Variants in FMNL2 observed in about 807,000 individuals in gnomAD.
FMNL2 encodes formin like 2.
Under a neutral mutation model 130.2 loss-of-function variants are expected in FMNL2, and 51 were observed. That is an observed-to-expected ratio of 0.39 (90% CI 0.31 to 0.49). The LOEUF (loss-of-function observed/expected upper bound fraction) is 0.49, where lower values mean the gene tolerates loss of function less well. Ranked by LOEUF, FMNL2 falls within the 20% of genes least tolerant of loss-of-function variation. The pLI is 0.85. For missense variants in FMNL2, 977 were observed against 1,316.2 expected, an observed-to-expected ratio of 0.74 and a Z score of 3.99; for synonymous variants, 465 against 467.1, an observed-to-expected ratio of 1.00 and a Z score of 0.06.
At chr2:152,504,497 G>C (rs558493018) in intron 1 of FMNL2, among the ~76,000 whole-genome samples, 1 of 151,520 alleles carries the variant, frequency 6.6e-6, no homozygotes, top group South Asian at 2.1e-4. Flanking sequence ...CGCCTGCTTC[G>C]GCCTCCCAAA....
intron 1 of FMNL2, among the ~76,000 whole-genome samples, chr2:152,404,434 C>A (rs1357312273): frequency 6.6e-6 from 1 of 152,060 alleles, no homozygotes; most frequent in East Asian, 1.9e-4. Flanking sequence ...AAATATATAT[C>A]ATCTTTGGGG....
intron 1 of FMNL2, among the ~76,000 whole-genome samples, chr2:152,446,527 A>G (rs4664585): frequency 0.29 from 43,635 of 151,876 alleles, 6,604 homozygotes; most frequent in East Asian, 0.53. Flanking sequence ...TAATAGGTTA[A>G]AAAAAAAGCA....
At chr2:152,610,397 A>G (rs1698614044) in intron 10 of FMNL2, among the ~76,000 whole-genome samples, 1 of 152,132 alleles carries the variant, frequency 6.6e-6, no homozygotes, top group Non-Finnish European at 1.5e-5. Context: ...TCCTTACCAC[A>G]ATTTAGGACA....
chr2:152,351,096 G>A (rs1400954885), intron 1 of FMNL2, among the ~76,000 whole-genome samples: 1 of 152,144 alleles, frequency 6.6e-6, no homozygotes, highest in Admixed American at 6.6e-5. Flanking sequence ...TAAAGTGAAA[G>A]TTGTGTATAG....
chr2:152,596,252 T>C (rs1429966254), intron 9 of FMNL2, among the ~76,000 whole-genome samples: 1 of 152,100 alleles, frequency 6.6e-6, no homozygotes, highest in East Asian at 1.9e-4. Flanking sequence ...CATGAGCCAC[T>C]GAGCCCGGCT....
At chr2:152,534,334 G>A (rs1477017008) in intron 2 of FMNL2, among the ~76,000 whole-genome samples, 2 of 152,138 alleles carry the variant, frequency 1.3e-5, no homozygotes, top group African/African-American at 4.8e-5. Flanking sequence ...TTCCAGTTCA[G>A]TTTGATTCAG....
At chr2:152,423,738 G>T (rs1003238979) in intron 1 of FMNL2, among the ~76,000 whole-genome samples, 1 of 152,128 alleles carries the variant, frequency 6.6e-6, no homozygotes, top group Non-Finnish European at 1.5e-5. Context: ...GGACCTCAGA[G>T]AGCTAGAGTG....
intron 1 of FMNL2, among the ~76,000 whole-genome samples, chr2:152,406,991 T>A (rs994610578): frequency 2.6e-5 from 4 of 152,180 alleles, no homozygotes; most frequent in Non-Finnish European, 5.9e-5. Context: ...GAGGAAAGAT[T>A]AACTTCTCTA....
At chr2:152,600,342 A>G (rs889050868) in intron 9 of FMNL2, among the ~76,000 whole-genome samples, 2 of 152,178 alleles carry the variant, frequency 1.3e-5, no homozygotes, top group African/African-American at 4.8e-5. Context: ...AGGGCCTTTA[A>G]TTTTTATATA....
intron 3 of FMNL2, among the ~76,000 whole-genome samples, chr2:152,546,085 T>C (rs1694614414): frequency 6.6e-6 from 1 of 152,160 alleles, no homozygotes; most frequent in Non-Finnish European, 1.5e-5. Context: ...TCTTTTATAC[T>C]CTGCTATGTC....
rs556577329 is a variant in FMNL2 at position 152,616,754 on chromosome 2, G to A, written c.1213-337G>A. Among the ~76,000 whole-genome samples the A allele has an allele frequency of 3.9e-5, 6 of 152,246 alleles. No homozygotes were observed. The East Asian group carries it at 1.2e-3, about 29-fold the overall frequency. On this transcript the variant is annotated intron_variant, in intron 12 of 25. Transcript: ENST00000288670. ...TAGGCTGATGGCCCTTTCTTGGCAT[G>A]GAGTGGGGGATGGAGGTGGACTTTC...
chr2:152,575,295 C>T, intron 7 of FMNL2, 51 bp downstream of exon 7: 1 of 1,218,546 alleles, frequency 8.2e-7, no homozygotes, highest in Middle Eastern at 1.9e-4. Context: ...TAATCAGACT[C>T]AGAAATGACT....
chr2:152,553,758 C>A (rs192586957), intron 4 of FMNL2, among the ~76,000 whole-genome samples: 1 of 151,146 alleles, frequency 6.6e-6, no homozygotes, highest in East Asian at 1.9e-4. Flanking sequence ...AATATTAATA[C>A]ATTATAAATT....
chr2:152,368,298 A>G (rs1024934972), intron 1 of FMNL2, among the ~76,000 whole-genome samples: 12 of 151,970 alleles, frequency 7.9e-5, no homozygotes, highest in African/African-American at 2.7e-4. Flanking sequence ...TTCATCCTTT[A>G]TTGCCTTTGG....
chr2:152,461,905 T>G (rs1168493144), intron 1 of FMNL2, among the ~76,000 whole-genome samples: 1 of 152,044 alleles, frequency 6.6e-6, no homozygotes, highest in Non-Finnish European at 1.5e-5. Flanking sequence ...TTTTTCTTTT[T>G]AATTTTTTTG....
intron 8 of FMNL2, 45 bp downstream of exon 8, chr2:152,579,009 A>G (rs1696630028): frequency 6.7e-7 from 1 of 1,499,634 alleles, no homozygotes; most frequent in African/African-American, 1.4e-5. Context: ...ATCTAGAGAA[A>G]ACAGAGGGCT....
At chr2:152,610,087 CGTT>C (rs1485583832) in intron 10 of FMNL2, among the ~76,000 whole-genome samples, 1 of 152,068 alleles carries the variant, frequency 6.6e-6, no homozygotes, top group Non-Finnish European at 1.5e-5. Context: ...AATGCAAACT[CGTT>C]GATTATATGG....
rs1256310430 is a variant in FMNL2, at chr2:152,649,800, G to A, written c.*1895G>A. The A allele has an allele frequency of 6.6e-6, 1 of 152,560 alleles. No individual in the cohort carries two copies. The highest frequency in any genetic ancestry group is 1.5e-5 in the Non-Finnish European group (1 of 68,014). 9.5% of individuals were successfully genotyped at this position (152,560 alleles called of 1,614,324 possible). On this transcript the variant is annotated 3_prime_UTR_variant, in exon 26 of 26. Transcript: ENST00000288670. ...TTTCTGGTCTTTTCATGGCATATGA[G>A]CAAATAATAAACTATTTACACTACT...
chr2:152,589,979 ATATATG>A (rs1415375840), intron 9 of FMNL2, among the ~76,000 whole-genome samples: 5 of 44,488 alleles, frequency 1.1e-4, no homozygotes, highest in African/African-American at 3.0e-4. Flanking sequence ...ATATATATAT[ATATATG>A]TATATGTATA....
Sources: gnomAD v4.1 joint callset for allele counts (sites outside exome capture counted in the v4.1 genomes callset) on GRCh38, gnomAD v4.1.1 for gene constraint, MANE v1.5 for transcripts, NCBI Gene and HGNC (gene_info 2026-07-23, HGNC 2026-07-21) for gene names.